Variants in CPVL observed in about 807,000 individuals in gnomAD.
The protein encoded by CPVL is carboxypeptidase vitellogenic like, also known as probable serine carboxypeptidase CPVL.
A neutral mutation model predicts 63.7 loss-of-function variants in CPVL; 51 were observed. That is an observed-to-expected ratio of 0.80 (90% confidence interval 0.64 to 1.01). The LOEUF is 1.01. Among genes scored for constraint, CPVL ranks in the 50% least tolerant of loss-of-function variants. The pLI, the probability that CPVL is intolerant of heterozygous loss-of-function variation, is 0.00. For missense variants in CPVL, 530 were observed against 573.1 expected, an observed-to-expected ratio of 0.92 and a Z score of 0.77; for synonymous variants, 195 against 206.0, an observed-to-expected ratio of 0.95 and a Z score of 0.46.
At chr7:29,124,527 T>C (rs1260027387) in intron 1 of CPVL, among the ~76,000 whole-genome samples, 1 of 152,146 alleles carries the variant, frequency 6.6e-6, no homozygotes, top group Non-Finnish European at 1.5e-5. Flanking sequence ...GAAAATCATG[T>C]GTCCAATGTA....
intron 4 of CPVL, chr7:29,181,435 A>T (rs187573191): frequency 3.0e-4 from 45 of 152,232 alleles, no homozygotes; most frequent in African/African-American, 1.0e-3. Context: ...ACAGAAAGGC[A>T]CATATAGATT....
chr7:29,160,235 G>A (rs1370367521), intron 5 of CPVL, among the ~76,000 whole-genome samples: 3 of 152,202 alleles, frequency 2.0e-5, no homozygotes, highest in African/African-American at 7.2e-5. Context: ...AGTGTGTGAA[G>A]TTGGTGCCAG....
At chr7:29,130,350 A>G (rs1311640008) in intron 1 of CPVL, among the ~76,000 whole-genome samples, 2 of 152,240 alleles carry the variant, frequency 1.3e-5, no homozygotes, top group Non-Finnish European at 2.9e-5. Context: ...GATTTCCCAC[A>G]GGGTCCTTTA....
intron 12 of CPVL, among the ~76,000 whole-genome samples, chr7:28,996,954 G>C (rs751680146): frequency 2.6e-5 from 4 of 152,220 alleles, no homozygotes; most frequent in Non-Finnish European, 5.9e-5. Flanking sequence ...AGACTCACCA[G>C]TTCTGACAAA....
At chr7:29,162,553 T>C (rs1400700213) in intron 5 of CPVL, among the ~76,000 whole-genome samples, 4 of 149,580 alleles carry the variant, frequency 2.7e-5, no homozygotes, top group Non-Finnish European at 4.4e-5. Context: ...CCCAACTACT[T>C]GGGAGGCTGA....
intron 1 of CPVL, chr7:29,128,175 GTTTTTTTTTT>G (rs67806252): frequency 1.4e-5 from 2 of 139,600 alleles, no homozygotes; most frequent in African/African-American, 2.7e-5. Flanking sequence ...AAAGTTAAGA[GTTTTTTTTTT>G]TTTTTTTTTT....
At chr7:29,185,797 G>A (rs1798639876) in intron 2 of CPVL, among the ~76,000 whole-genome samples, 1 of 152,134 alleles carries the variant, frequency 6.6e-6, no homozygotes, top group Non-Finnish European at 1.5e-5. Context: ...CTCCAAGCTT[G>A]TTGGAAATTC....
intron 11 of CPVL, among the ~76,000 whole-genome samples, chr7:29,047,568 C>T (rs965622204): frequency 2.6e-5 from 4 of 152,264 alleles, no homozygotes; most frequent in Non-Finnish European, 2.9e-5. Context: ...TAAGAATAAT[C>T]GGTGTTCCTG....
intron 3 of CPVL, among the ~76,000 whole-genome samples, chr7:29,098,223 C>A (rs779388700): frequency 1.3e-5 from 2 of 152,178 alleles, no homozygotes; most frequent in Non-Finnish European, 2.9e-5. Flanking sequence ...AAGACTGACT[C>A]AAGAGAAGGT....
At chr7:28,999,981 C>T (rs901479338) in intron 12 of CPVL, among the ~76,000 whole-genome samples, 8 of 152,048 alleles carry the variant, frequency 5.3e-5, no homozygotes, top group Non-Finnish European at 1.2e-4. Context: ...CAAAATGTGT[C>T]AGGGCTGTAA....
intron 2 of CPVL, among the ~76,000 whole-genome samples, chr7:29,113,291 G>A (rs1788437141): frequency 1.3e-5 from 2 of 152,030 alleles, no homozygotes; most frequent in Admixed American, 6.6e-5. Flanking sequence ...TTGTTTTCAT[G>A]AAGGCAAAAA....
intron 3 of CPVL, among the ~76,000 whole-genome samples, chr7:29,104,363 C>A (rs1330060021): frequency 6.6e-6 from 1 of 152,140 alleles, no homozygotes; most frequent in Non-Finnish European, 1.5e-5. Flanking sequence ...CCAGTGCAAG[C>A]GATTCTCCTG....
chr7:29,190,417 C>A lies in CPVL; in HGVS notation c.-447-3870G>T, dbSNP rs141102242. Among the ~76,000 whole-genome samples the A allele has an allele frequency of 1.9e-3, 296 of 152,318 alleles. 1 individual carries two copies. Among genetic ancestry groups the A allele is most frequent in the African/African-American group, 6.9e-3 (285 of 41,564 alleles). On this transcript the variant is annotated intron_variant, in intron 1 of 16. Coordinates refer to the CPVL transcript ENST00000409850. ...GGAATGACCTTCACTAAAAAACACT[C>A]CAGAATGCCTGCAGTGAGGGAGCAC...
chr7:29,022,968 T>C (rs569173810), intron 12 of CPVL, among the ~76,000 whole-genome samples: 28 of 152,374 alleles, frequency 1.8e-4, no homozygotes, highest in African/African-American at 6.0e-4. Context: ...TCCCAGCCTG[T>C]TGCCATCACC....
chr7:29,073,397 C>A (rs781299984), intron 7 of CPVL, among the ~76,000 whole-genome samples: 26 of 152,122 alleles, frequency 1.7e-4, no homozygotes, highest in Non-Finnish European at 3.7e-4. Context: ...GCAGTAGACT[C>A]CTCATTGGCC....
chr7:29,126,433 G>A (rs1022063129), intron 1 of CPVL: 2 of 151,968 alleles, frequency 1.3e-5, no homozygotes, highest in Non-Finnish European at 1.5e-5. Flanking sequence ...AATTCCAATC[G>A]ACCTGACCAT....
At chr7:29,123,429 A>T (rs558297234) in intron 1 of CPVL, among the ~76,000 whole-genome samples, 1 of 151,762 alleles carries the variant, frequency 6.6e-6, no homozygotes, top group African/African-American at 2.4e-5. Flanking sequence ...GAACAAAATG[A>T]ATTTAGGAAC....
At chr7:29,044,248 C>A (rs1180933531) in intron 11 of CPVL, among the ~76,000 whole-genome samples, 3 of 152,058 alleles carry the variant, frequency 2.0e-5, no homozygotes, top group Non-Finnish European at 4.4e-5. Flanking sequence ...AAAATCCCAT[C>A]TTTACTAAAA....
chr7:29,112,926 T>C, intron 2 of CPVL, 104 bp from the exon 3 acceptor site: 1 of 790,592 alleles, frequency 1.3e-6, no homozygotes, highest in Non-Finnish European at 2.2e-6. Flanking sequence ...TTAGATAAGC[T>C]AAAAGGGAAC....
Sources: allele counts gnomAD v4.1 joint callset (sites outside exome capture counted in the v4.1 genomes callset), GRCh38; gene constraint gnomAD v4.1.1; transcripts MANE v1.5; gene names NCBI Gene and HGNC (gene_info 2026-07-23, HGNC 2026-07-21).